Variants in TMX1 observed in about 807,000 individuals in gnomAD.
The protein encoded by TMX1 is thioredoxin-related transmembrane protein 1.
Under a neutral mutation model 36.6 loss-of-function variants are expected in TMX1, and 25 were observed. The ratio of observed to expected loss-of-function variants is 0.68; its 90% CI spans 0.50 to 0.95. The LOEUF (loss-of-function observed/expected upper bound fraction) is 0.95, where lower values mean the gene tolerates loss of function less well. TMX1 is among the 40% of genes least tolerant of loss of function. TMX1 has a pLI of 0.00. For synonymous variants in TMX1, 133 were observed against 118.0 expected, an observed-to-expected ratio of 1.13 and a Z score of -0.82; for missense variants, 347 against 339.6, an observed-to-expected ratio of 1.02 and a Z score of -0.17.
chr14:51,251,634 TTAC>T lies in TMX1; in HGVS notation c.664+1871_664+1873del, dbSNP rs2065814212. On this transcript the variant is annotated intron_variant, in intron 7 of 7. Coordinates refer to ENST00000457354, the MANE Select transcript of TMX1 (RefSeq NM_030755.5). ...GGTCGTCCTCCTGTCTCCCAAGAGT[TTAC>T]TTTGGGAGTCTGCATAGATTGATTT... Among the ~76,000 whole-genome samples, 3 of 152,312 alleles carry T rather than the reference TTAC, an allele frequency of 2.0e-5. No individual in the cohort carries two copies. In the South Asian group the frequency reaches 6.2e-4, roughly 32 times the overall value.
chr14:51,246,248 A>G (rs1057055545), intron 3 of TMX1, among the ~76,000 whole-genome samples: 3 of 151,738 alleles, frequency 2.0e-5, no homozygotes, highest in African/African-American at 7.3e-5. Flanking sequence ...CTGTGACCTT[A>G]TTTGGAATTT....
At chr14:51,251,037 AAGGTTTTTG>A (rs1479042873) in intron 7 of TMX1, among the ~76,000 whole-genome samples, 4 of 152,206 alleles carry the variant, frequency 2.6e-5, no homozygotes, top group Non-Finnish European at 4.4e-5. Context: ...TGTTAGGTTT[AAGGTTTTTG>A]AAGTGAAATG....
rs765275026 is a variant in TMX1, at chr14:51,254,362, C to A, written c.686C>A (p.Ala229Glu). The A allele has an allele frequency of 3.7e-6, 6 of 1,605,068 alleles. No individual in the cohort carries two copies. The highest frequency in any genetic ancestry group is 5.1e-6 in the Non-Finnish European group (6 of 1,177,498). ...YPSKKLLSES[A>E]QPLKKVEEEQ... is the part of the protein sequence containing the mutation. ...TAAGAAAAATTATTATCAGAATCTG[C>A]ACAACCTTTGAAAAAAGTGGAGGAG... Residue 229 changes from alanine (A) to glutamate (E), a missense_variant, in exon 8 of 8, where the codon GCA becomes GAA. Ala to Glu is a moderately radical substitution (Grantham distance 107). Coordinates refer to ENST00000457354, the MANE Select transcript of TMX1 (RefSeq NM_030755.5).
rs981072846 is a variant in TMX1 at position 51,245,325 on chromosome 14, G to A, written c.281G>A (p.Arg94Gln). ...TCTTTATTTGTAGGACTGAGTGGAC[G>A]GTTTATCATAACTGCTCTTCCTACT... ...DVTEQPGLSG[R>Q]FIITALPTIY... The change falls in exon 3 of 8, where the codon CGG becomes CAG. Residue 94 changes from arginine (R) to glutamine (Q), a missense_variant. Coordinates refer to ENST00000457354, the MANE Select transcript of TMX1 (RefSeq NM_030755.5). 7.4e-6 allele frequency: 12 copies of A among 1,613,674 alleles called. No homozygotes were observed. Among genetic ancestry groups the A allele is most frequent in the African/African-American group, 4.0e-5 (3 of 74,884 alleles).
chr14:51,244,092 G>A lies in TMX1; in HGVS notation c.268+121G>A, dbSNP rs564915441. On this transcript the variant is annotated intron_variant, in intron 2 of 7. Coordinates refer to ENST00000457354, the MANE Select transcript of TMX1 (RefSeq NM_030755.5). ...TTAGGTTTTGAAAACCTAACAGTCT[G>A]CAGCTAGTTAACCTGACTTGTCCAC... The A allele has an allele frequency of 1.0e-4, 82 of 785,780 alleles. No individual in the cohort carries two copies. In the South Asian group the frequency reaches 1.8e-3, roughly 18 times the overall value. The allele number at this position is 785,780 out of a possible 1,614,324, so 48.7% of individuals were successfully genotyped here.
chr14:51,245,525 G>A lies in TMX1; in HGVS notation c.314+167G>A, dbSNP rs1479229663. 4 of 1,486,798 alleles carry A rather than the reference G, an allele frequency of 2.7e-6. No individual in the cohort carries two copies. The African/African-American group carries it at 4.2e-5, about 16-fold the overall frequency. 92.1% of individuals were successfully genotyped at this position (1,486,798 alleles called of 1,614,324 possible). ...TTAGTGTTATCCTAGGTGCCTTTAG[G>A]TAGTTGAGTGATGTGTGAAACAGTC... On this transcript the variant is annotated intron_variant, in intron 3 of 7. Transcript: ENST00000457354.
intron 7 of TMX1, among the ~76,000 whole-genome samples, chr14:51,250,406 AG>A (rs753457263): frequency 1.1e-4 from 16 of 152,238 alleles, no homozygotes; most frequent in Non-Finnish European, 2.2e-4. Context: ...TAAGGTTCAC[AG>A]TCACACAGAA....
intron 7 of TMX1, among the ~76,000 whole-genome samples, chr14:51,251,881 C>T (rs2065815826): frequency 6.6e-6 from 1 of 152,166 alleles, no homozygotes; most frequent in African/African-American, 2.4e-5. Flanking sequence ...TTGAGAACCC[C>T]TGTCTTAGAG....
chr14:51,243,938 A>G lies in TMX1; in HGVS notation c.235A>G (p.Asn79Asp). ...TGAATGGGGAGAAGATCTTGAGGTT[A>G]ATATTGCGAAAGTAGATGTCACAGA... ...FAEWGEDLEV[N>D]IAKVDVTEQP... is the part of the protein sequence containing the mutation. Residue 79 changes from asparagine (N) to aspartate (D), a missense_variant, in exon 2 of 8, where the codon AAT (asparagine) becomes GAT (aspartate). Physicochemically the swap from Asn to Asp is conservative, Grantham distance 23. Transcript: ENST00000457354. 6.2e-7 allele frequency: 1 copy of G among 1,612,046 alleles called. No homozygotes were observed. Among genetic ancestry groups the G allele is most frequent in the Admixed American group, 1.7e-5 (1 of 59,816 alleles).
intron 3 of TMX1, chr14:51,245,861 GAGTAATAGGTGAC>G (rs2065783125): frequency 1.0e-5 from 2 of 200,792 alleles, no homozygotes; most frequent in Non-Finnish European, 2.1e-5. Context: ...GCCTTGGGTA[GAGTAATAGGTGAC>G]AGTTGGGTAA....
In TMX1 at chr14:51,247,164, TAA is replaced by T; in HGVS notation, c.389_390del (p.Lys130ArgfsTer6). ...KKDFINFISD[K>X]EWKSIEPVSS... ...AGGACTTCATAAACTTTATAAGTGA[TAA>T]AGAGTGGAAGAGTATTGAGCCCGTT... On this transcript the variant is annotated frameshift_variant, in exon 4 of 8. Coordinates refer to ENST00000457354, the MANE Select transcript of TMX1 (RefSeq NM_030755.5). LOFTEE classifies it high-confidence loss of function. 6.2e-7 allele frequency: 1 copy of T among 1,613,540 alleles called. No homozygotes were observed. Among genetic ancestry groups the T allele is most frequent in the Non-Finnish European group, 8.5e-7 (1 of 1,179,782 alleles).
intron 7 of TMX1, among the ~76,000 whole-genome samples, chr14:51,250,212 C>G (rs1001272294): frequency 2.6e-5 from 4 of 152,180 alleles, no homozygotes; most frequent in African/African-American, 9.7e-5. Flanking sequence ...TGACACTGAA[C>G]TGTACTACAG....
chr14:51,247,177 A>G lies in TMX1; in HGVS notation c.400A>G (p.Ser134Gly), dbSNP rs754239985. ...INFISDKEWK[S>G]IEPVSSWFGP... ...CTTTATAAGTGATAAAGAGTGGAAGAGTATTGAGCCCGTTTCATCATGGTT... is the reference window on the plus strand; with the variant it reads ...CTTTATAAGTGATAAAGAGTGGAAGGGTATTGAGCCCGTTTCATCATGGTT... Residue 134 changes from serine (S) to glycine (G), a missense_variant, in exon 4 of 8, where the codon AGT (serine) becomes GGT (glycine). Ser to Gly is a moderately conservative substitution (Grantham distance 56). Transcript: ENST00000457354. 1 of 1,613,464 alleles carries G rather than the reference A, an allele frequency of 6.2e-7. No homozygotes were observed. The highest frequency in any genetic ancestry group is 2.2e-5 in the East Asian group (1 of 44,828).
At chr14:51,240,748 C>A (rs1295411746) in intron 1 of TMX1, among the ~76,000 whole-genome samples, 2 of 152,094 alleles carry the variant, frequency 1.3e-5, no homozygotes, top group East Asian at 3.8e-4. Flanking sequence ...TTTGAGGATG[C>A]GACTGGGGCG....
At chr14:51,252,483 A>G (rs1407609858) in intron 7 of TMX1, among the ~76,000 whole-genome samples, 2 of 151,932 alleles carry the variant, frequency 1.3e-5, no homozygotes, top group African/African-American at 4.8e-5. Flanking sequence ...TCCTTTGTGA[A>G]ATGAAAGTAA....
chr14:51,251,437 G>A (rs1402594716), intron 7 of TMX1, among the ~76,000 whole-genome samples: 1 of 152,146 alleles, frequency 6.6e-6, no homozygotes, highest in Non-Finnish European at 1.5e-5. Flanking sequence ...AAGTCAAGGA[G>A]CATCTGTATT....
In TMX1 at chr14:51,254,928, A is replaced by G. The variant is rs1335658539; in HGVS notation, c.*409A>G. On this transcript the variant is annotated 3_prime_UTR_variant, in exon 8 of 8. Transcript: ENST00000457354. Reference sequence around the variant, plus strand: ...TGTTTCACTGTGTGAAAAAAAGAAGATATTTCCCATAAATGGGAAGTTTGC... The same window carrying G: ...TGTTTCACTGTGTGAAAAAAAGAAGGTATTTCCCATAAATGGGAAGTTTGC... 2 of 152,948 alleles carry G rather than the reference A, an allele frequency of 1.3e-5. No individual in the cohort carries two copies. The highest frequency in any genetic ancestry group is 4.8e-5 in the African/African-American group (2 of 41,472). 9.5% of individuals were successfully genotyped at this position (152,948 alleles called of 1,614,324 possible).
At chr14:51,243,827 T>TG in intron 1 of TMX1, 29 bp from the exon 2 acceptor site, 1 of 1,556,930 alleles carries the variant, frequency 6.4e-7, no homozygotes, top group Non-Finnish European at 8.7e-7. Context: ...GTGCTTAACT[T>TG]TTTTTAAAAA....
Position 51,247,164 on chromosome 14 carries a change from TAAA to T in TMX1, c.388_390del (p.Lys130del). The T allele has an allele frequency of 6.2e-7, 1 of 1,613,540 alleles. No individual in the cohort carries two copies. The highest frequency in any genetic ancestry group is 8.5e-7 in the Non-Finnish European group (1 of 1,179,782). On this transcript the variant is annotated inframe_deletion, in exon 4 of 8. Coordinates refer to ENST00000457354, the MANE Select transcript of TMX1 (RefSeq NM_030755.5). ...AGGACTTCATAAACTTTATAAGTGA[TAAA>T]GAGTGGAAGAGTATTGAGCCCGTTT... is the stretch of plus-strand genomic sequence containing the variant.
Sources: allele counts gnomAD v4.1 joint callset (sites outside exome capture counted in the v4.1 genomes callset), GRCh38; gene constraint gnomAD v4.1.1; transcripts MANE v1.5; gene names NCBI Gene and HGNC (gene_info 2026-07-23, HGNC 2026-07-21).